PABPN1L: variants seen among roughly 807,000 people sequenced by gnomAD.
The protein encoded by PABPN1L is PABPN1 like, cytoplasmic, also known as embryonic polyadenylate-binding protein 2.
Under a neutral mutation model 34.0 loss-of-function variants are expected in PABPN1L, and 45 were observed. That is an observed-to-expected ratio of 1.32 (90% CI 1.04 to 1.70). The LOEUF (loss-of-function observed/expected upper bound fraction) is 1.70. Ranked by LOEUF, PABPN1L falls within the 40% of genes most tolerant of loss-of-function variation. The probability of loss-of-function intolerance (pLI) is 0.00; values close to 1 mark genes in which losing one functional copy is unlikely to be tolerated. For missense variants in PABPN1L, 459 were observed against 367.8 expected, an observed-to-expected ratio of 1.25 and a Z score of -2.03; for synonymous variants, 182 against 152.1, an observed-to-expected ratio of 1.20 and a Z score of -1.45.
exon 7 of PABPN1L, chr16:88,863,681 C>A: frequency 6.6e-7 from 1 of 1,506,104 alleles, no homozygotes; most frequent in Non-Finnish European, 8.9e-7. Context: ...CTCCCTGCCC[C>A]AGCCCCAGGA....
chr16:88,866,304 T>C (rs1968591574), intron 1 of PABPN1L, 48 bp downstream of exon 1: 3 of 1,524,972 alleles, frequency 2.0e-6, no homozygotes, highest in Non-Finnish European at 8.8e-7. Context: ...CACCAGCCCC[T>C]GTGCCCCAGG....
intron 3 of PABPN1L, 108 bp downstream of exon 3, chr16:88,865,455 C>A: frequency 7.1e-7 from 1 of 1,405,218 alleles, no homozygotes; most frequent in South Asian, 1.3e-5. Flanking sequence ...CCCCCAGGGT[C>A]AGACCCCCTT....
At chr16:88,866,111 C>G (rs1409454974) in intron 1 of PABPN1L, among the ~76,000 whole-genome samples, 170 bp from the exon 2 acceptor site, 1 of 152,240 alleles carries the variant, frequency 6.6e-6, no homozygotes, top group Non-Finnish European at 1.5e-5. Flanking sequence ...CTCGCCCCTG[C>G]AGAGAAGCCC....
intron 3 of PABPN1L, 25 bp downstream of exon 3, chr16:88,865,538 C>T (rs770474668): frequency 3.1e-6 from 5 of 1,605,332 alleles, no homozygotes; most frequent in Non-Finnish European, 4.2e-6. Flanking sequence ...TCGCTGCCTG[C>T]CCCTTCACCC....
upstream of PABPN1L, among the ~76,000 whole-genome samples, chr16:88,870,131 G>T (rs1354200205): frequency 6.6e-6 from 1 of 150,458 alleles, no homozygotes; most frequent in East Asian, 2.0e-4. Flanking sequence ...TCACTCTGTT[G>T]CCCAGACTGG....
At chr16:88,864,713 C>G in intron 5 of PABPN1L, 140 bp downstream of exon 5, 1 of 1,018,230 alleles carries the variant, frequency 9.8e-7, no homozygotes, top group Non-Finnish European at 1.4e-6. Flanking sequence ...GGTCCCGCCA[C>G]ATCCTGTCCA....
At position 88,866,478 on chromosome 16, in the gene PABPN1L, CT is replaced by C; in HGVS notation, c.128del (p.Glu43GlyfsTer50). On this transcript the variant is annotated frameshift_variant, in exon 1 of 7. Transcript: ENST00000419291. LOFTEE classifies it high-confidence loss of function. ...CTTTCTCCTCCTTCCCTTCCCCACC[CT>C]CTGGCCCCAGAATCTCCTTGGTCTC... 6.4e-7 allele frequency: 1 copy of C among 1,551,516 alleles called. No individual in the cohort carries two copies.
intron 3 of PABPN1L, 70 bp downstream of exon 3, chr16:88,865,493 G>C: frequency 6.4e-7 from 1 of 1,551,190 alleles, no homozygotes. Context: ...GCCCATGGCC[G>C]GGCGCCAGAC....
At chr16:88,865,888 C>T (rs764946053) in exon 2 of PABPN1L, 12 of 1,609,450 alleles carry the variant, frequency 7.5e-6, no homozygotes, top group African/African-American at 1.3e-5. Context: ...GAGGCCGTGG[C>T]GTCCCCTCGG....
At chr16:88,864,079 C>G (rs1447180172) in intron 6 of PABPN1L, among the ~76,000 whole-genome samples, 158 bp downstream of exon 6, 2 of 137,820 alleles carry the variant, frequency 1.5e-5, no homozygotes, top group South Asian at 4.3e-4. Context: ...AAAAAGCGCC[C>G]CCCCCACCAG....
chr16:88,867,874 C>G (rs912325216), upstream of PABPN1L, among the ~76,000 whole-genome samples: 1 of 152,212 alleles, frequency 6.6e-6, no homozygotes, highest in African/African-American at 2.4e-5. Context: ...ATGGCTCTTA[C>G]CCCTGCCATT....
At chr16:88,866,784 C>T, upstream of PABPN1L, 1 of 849,378 alleles carries the variant, frequency 1.2e-6, no homozygotes. Context: ...CGGCCCCGCC[C>T]CTTCCCTGTC....
chr16:88,866,277 C>G (rs1022493819), intron 1 of PABPN1L, 75 bp downstream of exon 1: 2 of 1,494,370 alleles, frequency 1.3e-6, no homozygotes, highest in Admixed American at 2.1e-5. Context: ...CCATCCGTCA[C>G]CCAGACCCCG....
chr16:88,864,403 T>C, intron 5 of PABPN1L, 24 bp from the exon 6 acceptor site: 1 of 1,549,364 alleles, frequency 6.5e-7, no homozygotes, highest in Non-Finnish European at 8.7e-7. Flanking sequence ...CTGTTTTGAG[T>C]CCTCCTCAAG....
At chr16:88,868,797 G>A (rs114292833), upstream of PABPN1L, among the ~76,000 whole-genome samples, 253 of 152,308 alleles carry the variant, frequency 1.7e-3, 1 homozygote, top group African/African-American at 5.8e-3. Flanking sequence ...GGGTAGAGAA[G>A]AGAATTACGT....
intron 5 of PABPN1L, among the ~76,000 whole-genome samples, chr16:88,864,607 G>T (rs564927638): frequency 2.9e-5 from 4 of 138,300 alleles, no homozygotes; most frequent in Admixed American, 7.7e-5. Context: ...CAGAGGGGGG[G>T]GTCACGGCCA....
exon 3 of PABPN1L, chr16:88,865,607 CGGG>C: frequency 1.2e-6 from 2 of 1,610,536 alleles, no homozygotes; most frequent in Non-Finnish European, 1.7e-6. Context: ...ACCTTCTCCT[CGGG>C]GGTCCCAGAG....
chr16:88,863,580 C>T (rs1188706092), exon 7 of PABPN1L: 1 of 821,022 alleles, frequency 1.2e-6, no homozygotes, highest in Non-Finnish European at 2.0e-6. Flanking sequence ...GTCTGGACCA[C>T]CATACAAGGC....
chr16:88,863,905 C>T, intron 6 of PABPN1L, 110 bp from the exon 7 acceptor site: 3 of 1,137,186 alleles, frequency 2.6e-6, no homozygotes, highest in Non-Finnish European at 2.5e-6. Context: ...CCTGGCTGCT[C>T]AGGCAATGCC....
Sources: allele counts gnomAD v4.1 joint callset (sites outside exome capture counted in the v4.1 genomes callset), GRCh38; gene constraint gnomAD v4.1.1; transcripts MANE v1.5; gene names NCBI Gene and HGNC (gene_info 2026-07-23, HGNC 2026-07-21).